The following TMC2 variants were observed in gnomAD, a reference collection of about 807,000 sequenced individuals.
The protein encoded by TMC2 is transmembrane channel like 2.
TMC2 carries 102 observed loss-of-function variants against 105.9 expected under a neutral mutation model. The ratio of observed to expected loss-of-function variants is 0.96; its 90% confidence interval spans 0.82 to 1.14. TMC2 has a LOEUF of 1.14. Among genes scored for constraint, TMC2 ranks in the 50% most tolerant of loss-of-function variants. The pLI is 0.00. For missense variants in TMC2, 1,093 were observed against 1,134.3 expected (o/e 0.96, Z 0.52); for synonymous variants, 402 against 422.8 (o/e 0.95, Z 0.60).
At chr20:2,612,404 A>C in intron 13 of TMC2, 64 bp downstream of exon 13, 1 of 1,388,540 alleles carries the variant, frequency 7.2e-7, no homozygotes, top group Non-Finnish European at 9.5e-7. Context: ...TCCCTCCTTG[A>C]TGTTTCCATT....
intron 2 of TMC2, among the ~76,000 whole-genome samples, chr20:2,547,105 T>C (rs2085930668): frequency 1.3e-5 from 2 of 151,952 alleles, no homozygotes; most frequent in South Asian, 2.1e-4. Flanking sequence ...GAAAAATATA[T>C]CAAGACTATA....
chr20:2,558,914 C>T lies in TMC2; in HGVS notation c.401+140C>T. On this transcript the variant is annotated intron_variant, in intron 3 of 19. Coordinates refer to ENST00000358864, the MANE Select transcript of TMC2 (RefSeq NM_080751.3). The surrounding 1 kb of genome is among the most constrained non-coding windows in gnomAD (Gnocchi z 4.6). ...GCCCTCGCTCTGGCTTCCGTGCCTCCCAGCCCTTACCACTGCCCCACTCTG... is the reference window on the plus strand; with the variant it reads ...GCCCTCGCTCTGGCTTCCGTGCCTCTCAGCCCTTACCACTGCCCCACTCTG... The T allele has an allele frequency of 1.2e-6, 1 of 812,214 alleles. No homozygotes were observed. 50.3% of individuals were successfully genotyped at this position (812,214 alleles called of 1,614,324 possible). A position where few individuals can be genotyped will look rare whatever the true frequency, so the allele number is the denominator to read the frequency against.
At chr20:2,556,243 C>T (rs975460972) in intron 2 of TMC2, among the ~76,000 whole-genome samples, 7 of 152,222 alleles carry the variant, frequency 4.6e-5, no homozygotes, top group Middle Eastern at 3.4e-3. Context: ...CACGTGCCAT[C>T]ATGCCTGGCT....
At chr20:2,632,966 C>T (rs1216493938) in intron 17 of TMC2, among the ~76,000 whole-genome samples, 3 of 136,232 alleles carry the variant, frequency 2.2e-5, no homozygotes, top group Non-Finnish European at 3.1e-5. Context: ...GGTTCGCCTC[C>T]CTTCCATGGG....
intron 11 of TMC2, among the ~76,000 whole-genome samples, chr20:2,604,392 A>G (rs1335334743): frequency 2.6e-5 from 4 of 152,176 alleles, no homozygotes; most frequent in African/African-American, 9.7e-5. Flanking sequence ...GGGCGGAACA[A>G]TTTCACTATG....
At chr20:2,639,643 A>G (rs1266133669) in intron 19 of TMC2, among the ~76,000 whole-genome samples, 1 of 152,246 alleles carries the variant, frequency 6.6e-6, no homozygotes, top group African/African-American at 2.4e-5. Flanking sequence ...CGTGTGCTAT[A>G]GTTTATATTC....
At chr20:2,617,519 C>G in intron 16 of TMC2, 1 of 617,876 alleles carries the variant, frequency 1.6e-6, no homozygotes, top group Non-Finnish European at 2.8e-6. Context: ...TCAGTAGCCA[C>G]CAGCCACCTG....
At chr20:2,617,427 T>C (rs894607983) in intron 16 of TMC2, 116 bp downstream of exon 16, 1 of 1,376,140 alleles carries the variant, frequency 7.3e-7, no homozygotes, top group Non-Finnish European at 9.9e-7. Context: ...CCATGGAACT[T>C]TGGGTGAATC....
Position 2,602,444 on chromosome 20 carries a change from G to C in TMC2, c.1413+143G>C, listed in dbSNP as rs193089833. ...AATTACATCCCCTTCCAGTCAAATA[G>C]CATGAATATCCTGAAGAAAAAGTCA... On this transcript the variant is annotated intron_variant, in intron 11 of 19. Coordinates refer to ENST00000358864, the MANE Select transcript of TMC2 (RefSeq NM_080751.3). The C allele has an allele frequency of 1.3e-4, 78 of 620,532 alleles. No homozygotes were observed. The East Asian group carries it at 2.5e-3, about 20-fold the overall frequency. 38.4% of individuals were successfully genotyped at this position (620,532 alleles called of 1,614,324 possible).
At chr20:2,555,455 C>CTT (rs542888651) in intron 2 of TMC2, among the ~76,000 whole-genome samples, 1 of 148,106 alleles carries the variant, frequency 6.8e-6, no homozygotes, top group African/African-American at 2.5e-5. Context: ...ATTGCTCAAG[C>CTT]TTTTTTTTTT....
rs773691005 is a variant in TMC2, at chr20:2,610,565, T to A, written c.1560T>A (p.Phe520Leu). The A allele has an allele frequency of 3.1e-6, 5 of 1,609,990 alleles. No individual in the cohort carries two copies. Among genetic ancestry groups the A allele is most frequent in the Non-Finnish European group, 4.2e-6 (5 of 1,177,972 alleles). ...FALFLGNLYT[F>L]LLALMDDVHL... ...TCTTCCTGGGGAACCTCTACACATTTCTCTTGGCCCTGATGGATGACGTCC... is the reference window on the plus strand; with the variant it reads ...TCTTCCTGGGGAACCTCTACACATTACTCTTGGCCCTGATGGATGACGTCC... The change falls in exon 12 of 20, where the codon TTT (phenylalanine) becomes TTA (leucine). Residue 520 changes from phenylalanine to leucine, a missense_variant. Phe to Leu is a conservative substitution (Grantham distance 22). Coordinates refer to ENST00000358864, the MANE Select transcript of TMC2 (RefSeq NM_080751.3).
intron 7 of TMC2, among the ~76,000 whole-genome samples, chr20:2,587,041 T>C (rs1388705321): frequency 6.6e-6 from 1 of 152,174 alleles, no homozygotes; most frequent in Admixed American, 6.6e-5. Context: ...ACTGATACTT[T>C]TTCATCACTT....
chr20:2,638,723 A>T (rs1410694089), intron 19 of TMC2, among the ~76,000 whole-genome samples: 1 of 152,334 alleles, frequency 6.6e-6, no homozygotes, highest in East Asian at 1.9e-4. Context: ...GAAACATTTT[A>T]AAAGTAAAAA....
intron 16 of TMC2, among the ~76,000 whole-genome samples, chr20:2,623,275 C>T (rs146011129): frequency 0.013 from 1,993 of 152,116 alleles, 49 homozygotes; most frequent in African/African-American, 0.046. Context: ...CAGTGGTTCA[C>T]GCCTGTAATC....
At position 2,616,124 on chromosome 20, in the gene TMC2, C is replaced by T. The variant is rs1191109172; in HGVS notation, c.1873-13C>T. ...TTTTCTCTCTCTCTCTCGCTCCCTC[C>T]CTCCCTCTCTAGCCTTCATATGCTG... On this transcript the variant is annotated splice_polypyrimidine_tract_variant and intron_variant, in intron 14 of 19. Transcript: ENST00000358864. The surrounding 1 kb of genome is among the most constrained non-coding windows in gnomAD (Gnocchi z 4.8). The T allele has an allele frequency of 6.2e-7, 1 of 1,609,048 alleles. No homozygotes were observed. Among genetic ancestry groups the T allele is most frequent in the South Asian group, 1.1e-5 (1 of 90,942 alleles).
At chr20:2,556,237 T>G (rs1208205922) in intron 2 of TMC2, among the ~76,000 whole-genome samples, 1 of 152,058 alleles carries the variant, frequency 6.6e-6, no homozygotes, top group Non-Finnish European at 1.5e-5. Flanking sequence ...TACAGGCACG[T>G]GCCATCATGC....
intron 7 of TMC2, among the ~76,000 whole-genome samples, chr20:2,584,924 T>C (rs949020525): frequency 2.6e-5 from 4 of 152,174 alleles, no homozygotes; most frequent in African/African-American, 9.6e-5. Context: ...ATATAGAACA[T>C]TTCCATCGCC....
rs1262740498 is a variant in TMC2, at chr20:2,615,968, T to C, written c.1873-169T>C. On this transcript the variant is annotated intron_variant, in intron 14 of 19. Transcript: ENST00000358864. ...TTTTTGTTTAAAAGTTGAAAACATA[T>C]TAAAGAAATAGAATGCTAAATCTAA... Among the ~76,000 whole-genome samples the C allele has an allele frequency of 3.3e-5, 5 of 152,244 alleles. No homozygotes were observed. The South Asian group carries it at 6.2e-4, about 19-fold the overall frequency.
chr20:2,573,540 C>CTT lies in TMC2; in HGVS notation c.645+1280_645+1281dup, dbSNP rs372180190. Reference sequence around the variant, plus strand: ...CTCTTATGGTACTCTCTTATTAATTCTTTTTTTTTTCTTTTCTTTTCTTTT... The same window carrying CTT: ...CTCTTATGGTACTCTCTTATTAATTCTTTTTTTTTTTTCTTTTCTTTTCTTTT... On this transcript the variant is annotated intron_variant, in intron 5 of 19. Transcript: ENST00000358864. 3.7e-3 allele frequency among the ~76,000 whole-genome samples: 503 copies of CTT among 135,724 alleles called. 4 individuals are homozygous for CTT. Among genetic ancestry groups the CTT allele is most frequent in the African/African-American group, 0.013 (457 of 36,168 alleles). 89.0% of individuals were successfully genotyped at this position (135,724 alleles called of 152,430 possible). A position where few individuals can be genotyped will look rare whatever the true frequency, so the allele number is the denominator to read the frequency against.
Sources: allele counts gnomAD v4.1 joint callset (sites outside exome capture counted in the v4.1 genomes callset), GRCh38; gene constraint gnomAD v4.1.1; non-coding constraint Gnocchi (gnomAD v3.1); transcripts MANE v1.5; gene names NCBI Gene and HGNC (gene_info 2026-07-23, HGNC 2026-07-21).